WDR5: variants seen among roughly 807,000 people sequenced by gnomAD.
WDR5 encodes WD repeat domain 5.
For synonymous variants in WDR5, 144 were observed against 161.6 expected, an observed-to-expected ratio of 0.89 and a Z score of 0.83; for missense variants, 187 against 416.9, an observed-to-expected ratio of 0.45 and a Z score of 4.80.
intron 8 of WDR5, among the ~76,000 whole-genome samples, chr9:134,150,274 G>C (rs78639230): frequency 0.027 from 4,065 of 152,270 alleles, 99 homozygotes; most frequent in African/African-American, 0.064. Flanking sequence ...ATAATGAAAG[G>C]ATTATAACGT....
Position 134,139,927 on chromosome 9 carries a change from C to G in WDR5, c.50C>G (p.Pro17Arg). The G allele has an allele frequency of 6.2e-7, 1 of 1,613,608 alleles. No homozygotes were observed. Among genetic ancestry groups the G allele is most frequent in the Non-Finnish European group, 8.5e-7 (1 of 1,180,006 alleles). Reference protein sequence around the residue: ...KPETEAARAQPTPSSSATQSK... With the variant: ...KPETEAARAQRTPSSSATQSK... ...GAGACCGAGGCCGCCAGAGCACAGCCAACCCCTTCGTCATCCGCCACTCAG... is the reference window on the plus strand; with the variant it reads ...GAGACCGAGGCCGCCAGAGCACAGCGAACCCCTTCGTCATCCGCCACTCAG... Residue 17 changes from proline to arginine, a missense_variant, in exon 2 of 14, where the codon CCA (proline) becomes CGA (arginine). Pro to Arg is a moderately radical substitution (Grantham distance 103). Transcript: ENST00000358625.
In WDR5 at chr9:134,152,119, C is replaced by T. The variant is rs560401567; in HGVS notation, c.631+90C>T. On this transcript the variant is annotated intron_variant, in intron 9 of 13. Transcript: ENST00000358625. ...CCTGTTCTTCACCAGCTCCTCCTCC[C>T]TCCTCTGCCCTGGGTCCGCCCCTGC... 8.1e-4 allele frequency: 1,194 copies of T among 1,469,574 alleles called. 1 individual carries two copies. The highest frequency in any genetic ancestry group is 1.0e-3 in the Non-Finnish European group (1,127 of 1,077,566). The allele number at this position is 1,469,574 out of a possible 1,614,324, so 91.0% of individuals were successfully genotyped here.
intron 8 of WDR5, among the ~76,000 whole-genome samples, chr9:134,151,745 A>G (rs569207614): frequency 9.3e-4 from 141 of 152,200 alleles, no homozygotes; most frequent in African/African-American, 3.4e-3. Flanking sequence ...AGAGATCCAG[A>G]GGTACCCCAC....
chr9:134,151,585 G>T (rs1832489671), intron 8 of WDR5, among the ~76,000 whole-genome samples: 2 of 152,196 alleles, frequency 1.3e-5, no homozygotes, highest in Non-Finnish European at 2.9e-5. Flanking sequence ...TTTGAAAGAA[G>T]CCCTCTCATT....
At chr9:134,137,066 C>G (rs1398203837) in intron 1 of WDR5, among the ~76,000 whole-genome samples, 1 of 152,184 alleles carries the variant, frequency 6.6e-6, no homozygotes, top group African/African-American at 2.4e-5. Context: ...TAATTCCTGT[C>G]TTTGCACACA....
In WDR5 at chr9:134,157,306, C is replaced by T. The variant is rs1832790528; in HGVS notation, c.905-587C>T. Among the ~76,000 whole-genome samples, 1 of 152,172 alleles carries T rather than the reference C, an allele frequency of 6.6e-6. No individual in the cohort carries two copies. Among genetic ancestry groups the T allele is most frequent in the Non-Finnish European group, 1.5e-5 (1 of 68,032 alleles). On this transcript the variant is annotated intron_variant, in intron 13 of 13. Coordinates refer to ENST00000358625, the MANE Select transcript of WDR5 (RefSeq NM_017588.3). This position sits in a 1 kb window ranked among gnomAD's most constrained non-coding sequence, Gnocchi z 5.0. ...CGGCGTTCTGGGGTTCTTTGGTTTA[C>T]GTAGAAGCTGTAAACACTTTGATGT...
chr9:134,152,062 T>TG (rs1194340289), intron 9 of WDR5, 33 bp downstream of exon 9: 4 of 1,610,714 alleles, frequency 2.5e-6, no homozygotes, highest in East Asian at 2.2e-5. Context: ...GCTGGGTCTG[T>TG]GGGGAGGGCC....
At chr9:134,145,096 G>GTTGTTTTTTTTTTTT (rs1554726635) in intron 7 of WDR5, among the ~76,000 whole-genome samples, 4 of 104,664 alleles carry the variant, frequency 3.8e-5, no homozygotes, top group African/African-American at 1.4e-4. Context: ...GTGGGGCTTT[G>GTTGTTTTTTTTTTTT]TTTTTTTTTT....
In WDR5 at chr9:134,155,471, G is replaced by A. The variant is rs572978167; in HGVS notation, c.741+98G>A. On this transcript the variant is annotated intron_variant, in intron 11 of 13. Coordinates refer to ENST00000358625, the MANE Select transcript of WDR5 (RefSeq NM_017588.3). ...GCCCCGGTGATGACAAAGGAGAGGA[G>A]CTCAGAGAGCCATCTCCGCTGGGTT... The A allele has an allele frequency of 4.1e-6, 6 of 1,465,514 alleles. No individual in the cohort carries two copies. The South Asian group carries it at 6.7e-5, about 16-fold the overall frequency. The allele number at this position is 1,465,514 out of a possible 1,614,324, so 90.8% of individuals were successfully genotyped here.
intron 12 of WDR5, 32 bp downstream of exon 12, chr9:134,155,799 G>A: frequency 6.2e-7 from 1 of 1,602,812 alleles, no homozygotes; most frequent in Non-Finnish European, 8.5e-7. Flanking sequence ...CGTCTCACCT[G>A]TTCCCAGCTT....
chr9:134,148,965 G>A (rs750426917), intron 8 of WDR5, among the ~76,000 whole-genome samples: 4 of 152,090 alleles, frequency 2.6e-5, no homozygotes, highest in Non-Finnish European at 4.4e-5. Context: ...GGAGTGTTTG[G>A]GTTGTGTTTT....
At chr9:134,149,333 G>A (rs1343230354) in intron 8 of WDR5, among the ~76,000 whole-genome samples, 3 of 152,250 alleles carry the variant, frequency 2.0e-5, no homozygotes, top group Non-Finnish European at 4.4e-5. Context: ...TTGCAGCACT[G>A]TGATGGCGTT....
rs922000733 is a variant in WDR5 at position 134,157,277 on chromosome 9, T to C, written c.905-616T>C. Among the ~76,000 whole-genome samples the C allele has an allele frequency of 1.3e-5, 2 of 152,218 alleles. No homozygotes were observed. Among genetic ancestry groups the C allele is most frequent in the African/African-American group, 4.8e-5 (2 of 41,468 alleles). ...CGGGCCTGGGCCTTCCCCTGGGTCC[T>C]CGCCGGCGTTCTGGGGTTCTTTGGT... is the stretch of plus-strand genomic sequence containing the variant. On this transcript the variant is annotated intron_variant, in intron 13 of 13. Coordinates refer to ENST00000358625, the MANE Select transcript of WDR5 (RefSeq NM_017588.3). This position sits in a 1 kb window ranked among gnomAD's most constrained non-coding sequence, Gnocchi z 5.0.
Position 134,142,140 on chromosome 9 carries a change from C to T in WDR5, c.354+102C>T, listed in dbSNP as rs1831924249. The T allele has an allele frequency of 1.1e-5, 12 of 1,113,682 alleles. No homozygotes were observed. In the South Asian group the frequency reaches 1.6e-4, roughly 15 times the overall value. 69.0% of individuals were successfully genotyped at this position (1,113,682 alleles called of 1,614,324 possible). A position where few individuals can be genotyped will look rare whatever the true frequency, so the allele number is the denominator to read the frequency against. On this transcript the variant is annotated intron_variant, in intron 5 of 13. Coordinates refer to ENST00000358625, the MANE Select transcript of WDR5 (RefSeq NM_017588.3). ...TGCTCAGTAAGCAACACTCAGCGCT[C>T]CTCTCCAGGGAAGACTGGCTGCAGG...
chr9:134,149,182 G>A (rs1039910868), intron 8 of WDR5, among the ~76,000 whole-genome samples: 2 of 152,144 alleles, frequency 1.3e-5, no homozygotes, highest in South Asian at 4.1e-4. Context: ...GTCTGTAGTC[G>A]CCATGCATGA....
chr9:134,141,896 C>A (rs1350630998), intron 4 of WDR5, 53 bp from the exon 5 acceptor site: 1 of 1,547,472 alleles, frequency 6.5e-7, no homozygotes, highest in African/African-American at 1.4e-5. Flanking sequence ...GACCTTTTGC[C>A]GATGGTCCTA....
intron 7 of WDR5, among the ~76,000 whole-genome samples, chr9:134,143,827 T>TC (rs202164502): frequency 7.4e-6 from 1 of 134,656 alleles, no homozygotes; most frequent in African/African-American, 2.8e-5. Context: ...AACTCTGTCT[T>TC]TAAAAAAAAA....
chr9:134,152,898 C>T (rs1270806711), intron 9 of WDR5, among the ~76,000 whole-genome samples: 4 of 152,190 alleles, frequency 2.6e-5, no homozygotes, highest in Admixed American at 2.0e-4. Context: ...GGCTTCACAC[C>T]AGTGTCCCTG....
chr9:134,140,999 G>C (rs1588169011), intron 3 of WDR5, among the ~76,000 whole-genome samples, 188 bp downstream of exon 3: 2 of 152,190 alleles, frequency 1.3e-5, no homozygotes, highest in African/African-American at 4.8e-5. Context: ...ATTGCCCGTG[G>C]GGGGCCAGGC....
Sources: allele counts gnomAD v4.1 joint callset (sites outside exome capture counted in the v4.1 genomes callset), GRCh38; gene constraint gnomAD v4.1.1; non-coding constraint Gnocchi (gnomAD v3.1); transcripts MANE v1.5; gene names NCBI Gene and HGNC (gene_info 2026-07-23, HGNC 2026-07-21).